The following LRRK2 variants were observed in gnomAD, a reference collection of about 807,000 sequenced individuals.
LRRK2 encodes leucine rich repeat kinase 2.
In LRRK2, 203 loss-of-function variants were observed where a neutral mutation model predicts 302.6. The ratio of observed to expected loss-of-function variants is 0.67; its 90% CI spans 0.60 to 0.75. The LOEUF is 0.75. Among genes scored for constraint, LRRK2 ranks in the 30% least tolerant of loss-of-function variants. The pLI, the probability that LRRK2 is intolerant of heterozygous loss-of-function variation, is 0.00. For missense variants in LRRK2, 2,830 were observed against 2,951.0 expected (o/e 0.96, Z 0.95); for synonymous variants, 1,066 against 1,031.9 (o/e 1.03, Z -0.63).
chr12:40,335,706 A>G (rs1448411888), intron 40 of LRRK2, among the ~76,000 whole-genome samples: 1 of 152,170 alleles, frequency 6.6e-6, no homozygotes, highest in Non-Finnish European at 1.5e-5. Context: ...GTGATTTTAT[A>G]TCTCTGATTC....
chr12:40,350,351 T>C (rs1327803341), intron 43 of LRRK2, among the ~76,000 whole-genome samples: 1 of 152,224 alleles, frequency 6.6e-6, no homozygotes, highest in Non-Finnish European at 1.5e-5. Flanking sequence ...TCCACTGACC[T>C]CTCTGGTTTC....
rs1278985666 is a variant in LRRK2 at position 40,252,824 on chromosome 12, G to A, written c.1182-86G>A. On this transcript the variant is annotated intron_variant, in intron 10 of 50. Transcript: ENST00000298910. ...TATTGTTTATATGCTCTTAATTGTT[G>A]TTAGAGATATTTGATAATGGCAAGT... The A allele has an allele frequency of 3.5e-6, 3 of 858,522 alleles. No individual in the cohort carries two copies. The East Asian group carries it at 7.5e-5, about 21-fold the overall frequency. The allele number at this position is 858,522 out of a possible 1,614,324, so 53.2% of individuals were successfully genotyped here.
chr12:40,265,145 A>G (rs903095763), intron 14 of LRRK2, among the ~76,000 whole-genome samples: 6 of 152,184 alleles, frequency 3.9e-5, no homozygotes, highest in African/African-American at 7.2e-5. Context: ...CTTTAATACA[A>G]TCCTTGAGTA....
intron 49 of LRRK2, 65 bp from the exon 50 acceptor site, chr12:40,366,940 CT>C: frequency 2.9e-5 from 36 of 1,250,216 alleles, no homozygotes; most frequent in Non-Finnish European, 3.4e-5. Context: ...AACAACTTTA[CT>C]TTTTTTTCAG....
chr12:40,257,776 T>C (rs1942587756), intron 12 of LRRK2, among the ~76,000 whole-genome samples: 1 of 152,240 alleles, frequency 6.6e-6, no homozygotes, highest in Non-Finnish European at 1.5e-5. Flanking sequence ...GAATGAACTT[T>C]GTCTTCTCTT....
At chr12:40,284,259 G>T in intron 19 of LRRK2, 126 bp downstream of exon 19, 6 of 722,706 alleles carry the variant, frequency 8.3e-6, no homozygotes, top group South Asian at 7.8e-5. Context: ...GCAAAGGTTT[G>T]GATTTTTTTT....
intron 38 of LRRK2, among the ~76,000 whole-genome samples, chr12:40,324,245 T>C (rs1258779689): frequency 6.6e-6 from 1 of 152,180 alleles, no homozygotes; most frequent in Non-Finnish European, 1.5e-5. Flanking sequence ...TTTTTTTAAT[T>C]GACAAGTAAA....
chr12:40,290,876 T>C (rs573293688), intron 20 of LRRK2, among the ~76,000 whole-genome samples: 1 of 152,206 alleles, frequency 6.6e-6, no homozygotes, highest in East Asian at 1.9e-4. Flanking sequence ...AGATTCTTAA[T>C]TTGGAAGCTT....
chr12:40,281,989 G>T (rs1411291248), intron 18 of LRRK2, among the ~76,000 whole-genome samples: 1 of 150,594 alleles, frequency 6.6e-6, no homozygotes, highest in Non-Finnish European at 1.5e-5. Context: ...AGGCATTTGT[G>T]AGTTTTTCCC....
chr12:40,280,007 A>C (rs1379173895), intron 18 of LRRK2, among the ~76,000 whole-genome samples: 3 of 152,198 alleles, frequency 2.0e-5, no homozygotes, highest in Non-Finnish European at 2.9e-5. Context: ...GAGTTGTGTT[A>C]GACTTTCTGC....
At position 40,299,267 on chromosome 12, in the gene LRRK2, C is replaced by T; in HGVS notation, c.3496+10C>T. ...AGAATGAATTTTCTTGGTAAGTGTT[C>T]TGTGTGGGTCTCCTCCTTACCAGGC... On this transcript the variant is annotated intron_variant, in intron 25 of 50. Transcript: ENST00000298910. 6.2e-7 allele frequency: 1 copy of T among 1,612,692 alleles called. No homozygotes were observed. Among genetic ancestry groups the T allele is most frequent in the Non-Finnish European group, 8.5e-7 (1 of 1,179,224 alleles).
At chr12:40,317,753 G>T in intron 33 of LRRK2, among the ~76,000 whole-genome samples, 1 of 152,096 alleles carries the variant, frequency 6.6e-6, no homozygotes, top group Non-Finnish European at 1.5e-5. Flanking sequence ...AGGTTATGAG[G>T]TTGAAGGAAT....
At chr12:40,299,400 T>G (rs1399948219) in intron 25 of LRRK2, 143 bp downstream of exon 25, 1 of 937,954 alleles carries the variant, frequency 1.1e-6, no homozygotes, top group Non-Finnish European at 1.7e-6. Context: ...AATTAGCAGG[T>G]TGGCAATAAA....
intron 14 of LRRK2, among the ~76,000 whole-genome samples, chr12:40,265,475 G>A (rs1942968888): frequency 6.6e-6 from 1 of 152,188 alleles, no homozygotes; most frequent in Non-Finnish European, 1.5e-5. Context: ...GGATGAGACA[G>A]CGTAAATTGG....
chr12:40,256,530 T>A (rs1413824800), intron 11 of LRRK2, among the ~76,000 whole-genome samples: 1 of 152,246 alleles, frequency 6.6e-6, no homozygotes, highest in Non-Finnish European at 1.5e-5. Context: ...AATAGTGAAG[T>A]GCCAGTTGTA....
chr12:40,295,735 A>G, intron 23 of LRRK2, 91 bp downstream of exon 23: 1 of 1,268,402 alleles, frequency 7.9e-7, no homozygotes, highest in Non-Finnish European at 1.1e-6. Flanking sequence ...TTAAAAGAAC[A>G]TTCTACTTTT....
intron 18 of LRRK2, among the ~76,000 whole-genome samples, chr12:40,279,056 A>G (rs1943577178): frequency 6.6e-6 from 1 of 151,272 alleles, no homozygotes; most frequent in South Asian, 2.1e-4. Context: ...CATTGCTTAT[A>G]TTTCAGATTT....
intron 7 of LRRK2, among the ~76,000 whole-genome samples, chr12:40,246,756 AG>A (rs1337304828): frequency 1.3e-5 from 2 of 152,186 alleles, no homozygotes; most frequent in Admixed American, 6.6e-5. Context: ...ACTCTGGTTG[AG>A]ACCTTACCTT....
At chr12:40,228,077 G>A (rs1265988534) in intron 2 of LRRK2, among the ~76,000 whole-genome samples, 2 of 152,160 alleles carry the variant, frequency 1.3e-5, no homozygotes, top group Non-Finnish European at 2.9e-5. Context: ...ATATACTGAT[G>A]TTCTTTTTTT....
Sources: gnomAD v4.1 joint callset for allele counts (sites outside exome capture counted in the v4.1 genomes callset) on GRCh38, gnomAD v4.1.1 for gene constraint, MANE v1.5 for transcripts, NCBI Gene and HGNC (gene_info 2026-07-23, HGNC 2026-07-21) for gene names.